NALCN: variants seen among roughly 807,000 people sequenced by gnomAD.
NALCN encodes the protein sodium leak channel, non-selective.
A neutral mutation model predicts 225.3 loss-of-function variants in NALCN; 111 were observed. The observed-to-expected ratio is 0.49, with a 90% CI of 0.42 to 0.58. The LOEUF is 0.58. Among genes scored for constraint, NALCN ranks in the 20% least tolerant of loss-of-function variants. The pLI is 0.00. For synonymous variants in NALCN, 764 were observed against 769.0 expected (o/e 0.99, Z 0.11); for missense variants, 1,378 against 2,202.4 (o/e 0.63, Z 7.49).
chr13:101,199,822 A>T (rs918323243), intron 13 of NALCN, among the ~76,000 whole-genome samples: 1 of 152,110 alleles, frequency 6.6e-6, no homozygotes, highest in Non-Finnish European at 1.5e-5. Flanking sequence ...TAGAAATGTC[A>T]CAGGGATGCT....
intron 10 of NALCN, among the ~76,000 whole-genome samples, chr13:101,265,095 A>G (rs368016060): frequency 9.8e-5 from 15 of 152,308 alleles, no homozygotes; most frequent in Admixed American, 7.8e-4. Flanking sequence ...AAGAGAATAC[A>G]TGTGTGTGGT....
At chr13:101,387,925 A>G (rs1286871421) in intron 3 of NALCN, among the ~76,000 whole-genome samples, 1 of 152,222 alleles carries the variant, frequency 6.6e-6, no homozygotes, top group Admixed American at 6.5e-5. Context: ...TAATGTGACA[A>G]AGGACATTTT....
rs1431607272 is a variant in NALCN at position 101,062,199 on chromosome 13, G to A, written c.4605-81C>T. On this transcript the variant is annotated intron_variant, in intron 40 of 43. Coordinates refer to ENST00000251127, the MANE Select transcript of NALCN (RefSeq NM_052867.4). The stretch of plus-strand genomic sequence containing the variant: ...CTTAGATACGTCAAAATCCAGAGAG[G>A]ACATCACTCAGTCTAATAAGTCTAG... 2.7e-6 allele frequency: 4 copies of A among 1,495,802 alleles called. No homozygotes were observed. In the East Asian group the frequency reaches 7.1e-5, roughly 26 times the overall value. 92.7% of individuals were successfully genotyped at this position (1,495,802 alleles called of 1,614,324 possible). A position where few individuals can be genotyped will look rare whatever the true frequency, so the allele number is the denominator to read the frequency against.
chr13:101,192,315 A>G (rs1456047696), intron 13 of NALCN, among the ~76,000 whole-genome samples: 1 of 152,216 alleles, frequency 6.6e-6, no homozygotes, highest in Non-Finnish European at 1.5e-5. Flanking sequence ...CTGTTGAGCA[A>G]ATTAGAAACA....
intron 6 of NALCN, among the ~76,000 whole-genome samples, chr13:101,375,753 G>C (rs544430581): frequency 4.1e-4 from 62 of 152,132 alleles, no homozygotes; most frequent in African/African-American, 1.5e-3. Context: ...TGAATATAAG[G>C]TATAAAATCA....
intron 6 of NALCN, among the ~76,000 whole-genome samples, chr13:101,346,681 A>G (rs564982912): frequency 1.3e-5 from 2 of 152,280 alleles, no homozygotes; most frequent in African/African-American, 4.8e-5. Flanking sequence ...TTGGATATCA[A>G]CTTGATATAA....
At chr13:101,293,445 A>T (rs2043622711) in intron 7 of NALCN, among the ~76,000 whole-genome samples, 1 of 152,240 alleles carries the variant, frequency 6.6e-6, no homozygotes, top group East Asian at 1.9e-4. Context: ...TTTATAAAAT[A>T]AATATAAGTT....
At position 101,179,547 on chromosome 13, in the gene NALCN, G is replaced by T. The variant is rs138871634; in HGVS notation, c.1765-3173C>A. On this transcript the variant is annotated intron_variant, in intron 14 of 43. Transcript: ENST00000251127. The stretch of plus-strand genomic sequence containing the variant: ...CAAGCTCAGTTACATTTGAATAAAT[G>T]CTCCTTTTCTTTTTAGGGTAGTTTA... Among the ~76,000 whole-genome samples, 523 of 152,200 alleles carry T rather than the reference G, an allele frequency of 3.4e-3. 2 individuals are homozygous for T. The highest frequency in any genetic ancestry group is 0.012 in the African/African-American group (511 of 41,536).
intron 1 of NALCN, among the ~76,000 whole-genome samples, chr13:101,412,486 A>T (rs558794520): frequency 4.3e-4 from 65 of 152,298 alleles, no homozygotes; most frequent in Non-Finnish European, 9.3e-4. Flanking sequence ...CTGTGGGGTC[A>T]GTCCCTGTCT....
intron 7 of NALCN, among the ~76,000 whole-genome samples, chr13:101,301,864 A>T (rs1418437751): frequency 6.6e-6 from 1 of 152,252 alleles, no homozygotes; most frequent in South Asian, 2.1e-4. Context: ...CTGGACCTCA[A>T]CTTCCATGGA....
At chr13:101,368,497 G>C (rs2046444716) in intron 6 of NALCN, 1 of 152,008 alleles carries the variant, frequency 6.6e-6, no homozygotes, top group South Asian at 2.1e-4. Context: ...AGCAAAAAAA[G>C]TCATAGTTTA....
At chr13:101,251,868 C>T (rs973057255) in intron 11 of NALCN, among the ~76,000 whole-genome samples, 2 of 152,154 alleles carry the variant, frequency 1.3e-5, no homozygotes, top group Non-Finnish European at 2.9e-5. Context: ...AGCACCTTGG[C>T]AGTTTATGAC....
intron 14 of NALCN, chr13:101,181,462 C>G (rs1337937269): frequency 5.1e-6 from 2 of 394,380 alleles, no homozygotes; most frequent in South Asian, 3.8e-5. Context: ...TTTAAACTGG[C>G]TCAGCTGGGC....
At chr13:101,405,492 C>T (rs1362650823) in intron 1 of NALCN, among the ~76,000 whole-genome samples, 2 of 152,200 alleles carry the variant, frequency 1.3e-5, no homozygotes, top group African/African-American at 4.8e-5. Flanking sequence ...CTGCACCTCC[C>T]TCTGCCCAGC....
intron 7 of NALCN, among the ~76,000 whole-genome samples, chr13:101,319,461 A>G (rs1187299514): frequency 6.6e-6 from 1 of 152,240 alleles, no homozygotes; most frequent in African/African-American, 2.4e-5. Flanking sequence ...TGAAATACTC[A>G]GAAAACACAA....
intron 30 of NALCN, among the ~76,000 whole-genome samples, chr13:101,086,674 A>T (rs642539): frequency 0.76 from 115,199 of 151,862 alleles, 44,526 homozygotes; most frequent in African/African-American, 0.88. Flanking sequence ...CTTTTATTCT[A>T]CTCTGAATTA....
At chr13:101,113,387 T>C (rs2035546181) in intron 18 of NALCN, among the ~76,000 whole-genome samples, 1 of 152,190 alleles carries the variant, frequency 6.6e-6, no homozygotes, top group Non-Finnish European at 1.5e-5. Flanking sequence ...AGGACGTTTC[T>C]GCATAATGAA....
Position 101,237,773 on chromosome 13 carries a change from T to C in NALCN, c.1416A>G (p.Ser472=), listed in dbSNP as rs2041615002. 1.3e-5 allele frequency: 20 copies of C among 1,580,972 alleles called. No individual in the cohort carries two copies. The highest frequency in any genetic ancestry group is 1.7e-5 in the Non-Finnish European group (20 of 1,167,988). ...TTATTACCTGAAAGTACGTGAATTG[T>C]GAATGATAAAGATCTGGGTATACAT... is the stretch of plus-strand genomic sequence containing the variant. ...TLHVYPDLYH[S]QFTYFQVLRV... is the part of the protein sequence containing the mutation. The change falls in exon 12 of 44, where the codon TCA becomes TCG. Residue 472 remains serine, a synonymous_variant. Coordinates refer to ENST00000251127, the MANE Select transcript of NALCN (RefSeq NM_052867.4).
chr13:101,334,490 G>GAGAGGCAAT (rs2045311454), intron 7 of NALCN, among the ~76,000 whole-genome samples: 1 of 145,310 alleles, frequency 6.9e-6, no homozygotes, highest in African/African-American at 2.8e-5. Context: ...AGAATGGACT[G>GAGAGGCAAT]CCAGTGTTCA....
Sources: allele counts gnomAD v4.1 joint callset (sites outside exome capture counted in the v4.1 genomes callset), GRCh38; gene constraint gnomAD v4.1.1; transcripts MANE v1.5; gene names NCBI Gene and HGNC (gene_info 2026-07-23, HGNC 2026-07-21).